Variants in SUCLG2 observed in about 807,000 individuals in gnomAD.
SUCLG2 encodes succinate-CoA ligase GDP-forming subunit beta.
SUCLG2 carries 42 observed loss-of-function variants against 47.9 expected under a neutral mutation model. That is an observed-to-expected ratio of 0.88 (90% CI 0.69 to 1.14). The LOEUF is 1.14. SUCLG2 is among the 50% of genes most tolerant of loss of function. The pLI, the probability that SUCLG2 is intolerant of heterozygous loss-of-function variation, is 0.00. For synonymous variants in SUCLG2, 195 were observed against 197.3 expected, an observed-to-expected ratio of 0.99 and a Z score of 0.10; for missense variants, 571 against 525.9, an observed-to-expected ratio of 1.09 and a Z score of -0.84.
intron 9 of SUCLG2, among the ~76,000 whole-genome samples, chr3:67,465,341 G>A (rs995541973): frequency 2.2e-4 from 34 of 152,044 alleles, no homozygotes; most frequent in East Asian, 9.6e-4. Flanking sequence ...AGTCCTTCTC[G>A]CTCACTCTGC....
chr3:67,570,577 G>A (rs1707579726), intron 2 of SUCLG2, among the ~76,000 whole-genome samples: 1 of 152,178 alleles, frequency 6.6e-6, no homozygotes, highest in Admixed American at 6.5e-5. Flanking sequence ...TTACAGTGGG[G>A]AACACAGAGG....
rs192096603 is a variant in SUCLG2 at position 67,479,140 on chromosome 3, C to T, written c.1062+16658G>A. Among the ~76,000 whole-genome samples the T allele has an allele frequency of 6.6e-5, 10 of 152,060 alleles. 1 individual carries two copies. The highest frequency in any genetic ancestry group is 1.2e-4 in the African/African-American group (5 of 41,472). ...AATGAAGTCTCATCTTGATAGTGAA[C>T]GTATGAAATAAAAGAAAAGCATTCA... On this transcript the variant is annotated intron_variant, in intron 9 of 10. Transcript: ENST00000307227.
intron 10 of SUCLG2, among the ~76,000 whole-genome samples, chr3:67,363,478 G>A (rs1701835974): frequency 6.6e-6 from 1 of 152,126 alleles, no homozygotes; most frequent in Non-Finnish European, 1.5e-5. Context: ...ATAGGTGATG[G>A]TGGCTAGAAA....
intron 9 of SUCLG2, among the ~76,000 whole-genome samples, chr3:67,426,228 C>G (rs1703298806): frequency 6.6e-6 from 1 of 152,092 alleles, no homozygotes; most frequent in Non-Finnish European, 1.5e-5. Flanking sequence ...GATTATTTCA[C>G]TACTTATAAA....
At chr3:67,531,213 T>C (rs1388049752) in intron 2 of SUCLG2, among the ~76,000 whole-genome samples, 1 of 152,214 alleles carries the variant, frequency 6.6e-6, no homozygotes, top group Admixed American at 6.5e-5. Context: ...GGAAGACATT[T>C]CCTGTTTTTC....
At chr3:67,613,051 T>C (rs945284881) in intron 1 of SUCLG2, among the ~76,000 whole-genome samples, 6 of 152,198 alleles carry the variant, frequency 3.9e-5, no homozygotes, top group Non-Finnish European at 5.9e-5. Context: ...ACCTTGCAGA[T>C]ACCGCCACAT....
At chr3:67,534,767 GCAAAAA>G (rs1304873616) in intron 2 of SUCLG2, among the ~76,000 whole-genome samples, 7 of 34,328 alleles carry the variant, frequency 2.0e-4, no homozygotes, top group Non-Finnish European at 3.4e-4. Context: ...AACACTGATG[GCAAAAA>G]AAAAAAAAAA....
chr3:67,488,602 T>A (rs1334152122), intron 9 of SUCLG2, among the ~76,000 whole-genome samples: 1 of 152,206 alleles, frequency 6.6e-6, no homozygotes, highest in African/African-American at 2.4e-5. Flanking sequence ...ATAGTACAAC[T>A]TTCAGATGCC....
intron 1 of SUCLG2, among the ~76,000 whole-genome samples, chr3:67,652,702 C>A (rs781681905): frequency 2.6e-5 from 4 of 152,178 alleles, no homozygotes; most frequent in Non-Finnish European, 5.9e-5. Context: ...TATATACTCA[C>A]CAGGAAACAG....
At chr3:67,433,225 A>G (rs1442763722) in intron 9 of SUCLG2, among the ~76,000 whole-genome samples, 2 of 152,174 alleles carry the variant, frequency 1.3e-5, no homozygotes, top group African/African-American at 4.8e-5. Flanking sequence ...GAAAAACCCT[A>G]AAGTTGACCT....
chr3:67,440,499 T>A (rs1024753256), intron 9 of SUCLG2, among the ~76,000 whole-genome samples: 42 of 152,286 alleles, frequency 2.8e-4, no homozygotes, highest in African/African-American at 9.6e-4. Context: ...AAAGGGCTAA[T>A]ATCCAGAATC....
rs552826216 is a variant in SUCLG2 at position 67,362,909 on chromosome 3, C to A, written c.1184-2141G>T. Reference sequence around the variant, plus strand: ...TGCTTGCCTCTGAGTGAGATAACCTCCGTGGTGTAATTTATGCTCTAGAGC... The same window carrying A: ...TGCTTGCCTCTGAGTGAGATAACCTACGTGGTGTAATTTATGCTCTAGAGC... On this transcript the variant is annotated intron_variant, in intron 10 of 10. Coordinates refer to the SUCLG2 transcript ENST00000493112. Among the ~76,000 whole-genome samples the A allele has an allele frequency of 2.0e-5, 3 of 152,266 alleles. No homozygotes were observed. In the South Asian group the frequency reaches 6.2e-4, roughly 32 times the overall value.
intron 9 of SUCLG2, among the ~76,000 whole-genome samples, chr3:67,469,733 T>C (rs1704558275): frequency 1.3e-5 from 2 of 148,494 alleles, no homozygotes; most frequent in South Asian, 4.3e-4. Flanking sequence ...CGTCTCAAAC[T>C]AATAATAATA....
intron 10 of SUCLG2, among the ~76,000 whole-genome samples, chr3:67,377,116 A>G (rs1465766920): frequency 1.3e-5 from 2 of 152,220 alleles, no homozygotes; most frequent in East Asian, 1.9e-4. Flanking sequence ...TACAAAAACT[A>G]TGAGTAGTCC....
At chr3:67,643,205 C>T (rs1459978789) in intron 1 of SUCLG2, among the ~76,000 whole-genome samples, 1 of 152,164 alleles carries the variant, frequency 6.6e-6, no homozygotes, top group Non-Finnish European at 1.5e-5. Flanking sequence ...GGAGGTGCTC[C>T]CTACCATTTT....
intron 2 of SUCLG2, among the ~76,000 whole-genome samples, chr3:67,592,516 T>G (rs1450606028): frequency 6.6e-6 from 1 of 152,074 alleles, no homozygotes; most frequent in Non-Finnish European, 1.5e-5. Flanking sequence ...AGACCAAATA[T>G]GCCGAGCAAG....
chr3:67,380,264 T>C (rs1702125853), intron 10 of SUCLG2, among the ~76,000 whole-genome samples: 1 of 151,772 alleles, frequency 6.6e-6, no homozygotes, highest in Non-Finnish European at 1.5e-5. Context: ...CTGTGCTCAC[T>C]GCCCTGAGTG....
At chr3:67,626,730 C>T (rs534287205) in intron 1 of SUCLG2, among the ~76,000 whole-genome samples, 4 of 151,944 alleles carry the variant, frequency 2.6e-5, no homozygotes, top group South Asian at 4.2e-4. Flanking sequence ...CTGGCTAACA[C>T]GGTGAAACCC....
At chr3:67,376,283 G>C in intron 10 of SUCLG2, 6 of 985,420 alleles carry the variant, frequency 6.1e-6, no homozygotes, top group Non-Finnish European at 7.2e-6. Flanking sequence ...CACTGCTTTG[G>C]AGACTCTGGC....
Sources: gnomAD v4.1 joint callset for allele counts (sites outside exome capture counted in the v4.1 genomes callset) on GRCh38, gnomAD v4.1.1 for gene constraint, MANE v1.5 for transcripts, NCBI Gene and HGNC (gene_info 2026-07-23, HGNC 2026-07-21) for gene names.